ZNF26: variants seen among roughly 807,000 people sequenced by gnomAD.
ZNF26 encodes epididymis luminal protein 179.
In ZNF26, 32 loss-of-function variants were observed where a neutral mutation model predicts 54.9. The observed-to-expected ratio is 0.58, with a 90% confidence interval of 0.44 to 0.78. ZNF26 has a LOEUF of 0.78. Among genes scored for constraint, ZNF26 ranks in the 30% least tolerant of loss-of-function variants. The pLI, the probability that ZNF26 is intolerant of heterozygous loss-of-function variation, is 0.00. For synonymous variants in ZNF26, 221 were observed against 209.2 expected (o/e 1.06, Z -0.49); for missense variants, 524 against 634.0 (o/e 0.83, Z 1.86).
chr12:133,007,762 C>G (rs930793067), intron 3 of ZNF26, among the ~76,000 whole-genome samples: 2 of 152,220 alleles, frequency 1.3e-5, no homozygotes, highest in South Asian at 2.1e-4. Flanking sequence ...GCCCCTCTTT[C>G]CTGAACTCTG....
chr12:133,000,403 C>T (rs974863751), intron 1 of ZNF26, among the ~76,000 whole-genome samples: 6 of 150,100 alleles, frequency 4.0e-5, no homozygotes, highest in East Asian at 2.0e-4. Flanking sequence ...AGGCATGCGC[C>T]GCCATACCTG....
In ZNF26 at chr12:133,026,280, T is replaced by C. The variant is rs1383732199; in HGVS notation, c.*14799T>C. ...CATACTTGGCTAATTTTTGTATTTT[T>C]AGTAGAGATGGGGTTTCACCATCTT... On this transcript the variant is annotated 3_prime_UTR_variant, in exon 4 of 4. Coordinates refer to ENST00000328654, the MANE Select transcript of ZNF26 (RefSeq NM_019591.4). The C allele has an allele frequency of 8.6e-5, 13 of 151,996 alleles. No homozygotes were observed. Among genetic ancestry groups the C allele is most frequent in the Admixed American group, 8.5e-4 (13 of 15,246 alleles). 9.4% of individuals were successfully genotyped at this position (151,996 alleles called of 1,614,324 possible).
Position 133,001,660 on chromosome 12 carries a change from A to G in ZNF26, c.34-5382A>G, listed in dbSNP as rs1284687225. ...AGTGCTGCTGAGGAGGAGCCTGCTA[A>G]TGAGCTCAAGTGTCAAGTTCGGGAA... On this transcript the variant is annotated intron_variant, in intron 1 of 3. Coordinates refer to ENST00000328654, the MANE Select transcript of ZNF26 (RefSeq NM_019591.4). This position sits in a 1 kb window ranked among gnomAD's most constrained non-coding sequence, Gnocchi z 4.7. 3.6e-5 allele frequency: 46 copies of G among 1,288,928 alleles called. No individual in the cohort carries two copies. In the Admixed American group the frequency reaches 9.2e-4, roughly 26 times the overall value. The allele number at this position is 1,288,928 out of a possible 1,614,324, so 79.8% of individuals were successfully genotyped here.
At chr12:133,009,375 T>G (rs1953417746) in intron 3 of ZNF26, among the ~76,000 whole-genome samples, 2 of 152,228 alleles carry the variant, frequency 1.3e-5, no homozygotes, top group South Asian at 4.1e-4. Flanking sequence ...GGCGGATCGC[T>G]TGAGCTCAGG....
At chr12:133,009,448 T>C (rs1953420401) in intron 3 of ZNF26, among the ~76,000 whole-genome samples, 1 of 152,014 alleles carries the variant, frequency 6.6e-6, no homozygotes, top group African/African-American at 2.4e-5. Flanking sequence ...AAAAATTAGC[T>C]GGGCATGATG....
At chr12:132,996,515 T>A (rs1287403199) in intron 1 of ZNF26, among the ~76,000 whole-genome samples, 2 of 152,248 alleles carry the variant, frequency 1.3e-5, no homozygotes, top group Non-Finnish European at 2.9e-5. Context: ...GATTTTATTT[T>A]ACATTATTGA....
Position 133,001,736 on chromosome 12 carries a change from G to A in ZNF26, c.34-5306G>A. ...GGAAACAGTGCCCTGCCTGAGGTGA[G>A]CCGCAGGGAGGCGGGGCCCTGTTTG... is the stretch of plus-strand genomic sequence containing the variant. On this transcript the variant is annotated intron_variant, in intron 1 of 3. Coordinates refer to ENST00000328654, the MANE Select transcript of ZNF26 (RefSeq NM_019591.4). This position sits in a 1 kb window ranked among gnomAD's most constrained non-coding sequence, Gnocchi z 4.7. 7.8e-7 allele frequency: 1 copy of A among 1,287,764 alleles called. No homozygotes were observed. The highest frequency in any genetic ancestry group is 1.0e-6 in the Non-Finnish European group (1 of 987,544). 79.8% of individuals were successfully genotyped at this position (1,287,764 alleles called of 1,614,324 possible).
chr12:133,009,772 C>T (rs1034729279), intron 3 of ZNF26, among the ~76,000 whole-genome samples: 15 of 152,062 alleles, frequency 9.9e-5, no homozygotes, highest in East Asian at 1.9e-4. Flanking sequence ...GGCGTGATCT[C>T]GGCTCACTGC....
chr12:132,994,718 G>T (rs1282207652), intron 1 of ZNF26, among the ~76,000 whole-genome samples: 1 of 152,144 alleles, frequency 6.6e-6, no homozygotes, highest in East Asian at 1.9e-4. Context: ...TCAGTTACTG[G>T]TTATTTTAGA....
chr12:132,990,822 G>A (rs940241869), intron 1 of ZNF26, among the ~76,000 whole-genome samples: 3 of 152,092 alleles, frequency 2.0e-5, no homozygotes, highest in Non-Finnish European at 2.9e-5. Flanking sequence ...ATGTGTGGAC[G>A]TAGAATTGTA....
intron 1 of ZNF26, among the ~76,000 whole-genome samples, chr12:132,988,903 G>A (rs2137205567): frequency 1.3e-5 from 2 of 151,946 alleles, no homozygotes; most frequent in East Asian, 1.9e-4. Flanking sequence ...TACTGTAAAT[G>A]GTATTGTGTT....
chr12:132,995,655 G>A (rs1409487988), intron 1 of ZNF26, among the ~76,000 whole-genome samples: 1 of 151,938 alleles, frequency 6.6e-6, no homozygotes, highest in South Asian at 2.1e-4. Flanking sequence ...GAAGTTTACT[G>A]TTGTGGTTTT....
chr12:133,026,003 AG>A lies in ZNF26; in HGVS notation c.*14524del, dbSNP rs1357941592. 4.6e-5 allele frequency: 7 copies of A among 152,342 alleles called. No individual in the cohort carries two copies. Among genetic ancestry groups the A allele is most frequent in the Non-Finnish European group, 1.0e-4 (7 of 68,196 alleles). The allele number at this position is 152,342 out of a possible 1,614,324, so 9.4% of individuals were successfully genotyped here. A position where few individuals can be genotyped will look rare whatever the true frequency, so the allele number is the denominator to read the frequency against. ...AGTGAGAGATGCCTAAAACACCCCCAGGCATTCCAGCCCCTTCTGTTCTAGA... is the reference window on the plus strand; with the variant it reads ...AGTGAGAGATGCCTAAAACACCCCCAGCATTCCAGCCCCTTCTGTTCTAGA... On this transcript the variant is annotated 3_prime_UTR_variant, in exon 4 of 4. Transcript: ENST00000328654.
intron 1 of ZNF26, among the ~76,000 whole-genome samples, chr12:132,990,415 G>A (rs1457210480): frequency 6.6e-6 from 1 of 152,170 alleles, no homozygotes; most frequent in East Asian, 1.9e-4. Context: ...TGGCTGTGGT[G>A]TACACTTGTT....
At chr12:132,987,003 C>T in intron 1 of ZNF26, 130 bp downstream of exon 1, 1 of 1,056,764 alleles carries the variant, frequency 9.5e-7, no homozygotes, top group Non-Finnish European at 1.4e-6. Context: ...CTAGACTACC[C>T]TCCCCACCAA....
Position 133,011,748 on chromosome 12 carries a change from C to A in ZNF26, c.*267C>A. On this transcript the variant is annotated 3_prime_UTR_variant, in exon 4 of 4. Transcript: ENST00000328654. The stretch of plus-strand genomic sequence containing the variant: ...ATTCAGAGAATTTACACTAGGAACA[C>A]CTTATAAGTTGAATAAATTAAGGAA... 1 of 242,294 alleles carries A rather than the reference C, an allele frequency of 4.1e-6. No individual in the cohort carries two copies. The highest frequency in any genetic ancestry group is 7.9e-6 in the Non-Finnish European group (1 of 126,290). The allele number at this position is 242,294 out of a possible 1,614,324, so 15.0% of individuals were successfully genotyped here. A position where few individuals can be genotyped will look rare whatever the true frequency, so the allele number is the denominator to read the frequency against.
At position 133,020,242 on chromosome 12, in the gene ZNF26, T is replaced by C. The variant is rs1953621896; in HGVS notation, c.*8761T>C. Reference sequence around the variant, plus strand: ...ACTGGGATGGAACTGAAAGCCATTATAATAAGTGAAATAAGCCAAGCACAG... The same window carrying C: ...ACTGGGATGGAACTGAAAGCCATTACAATAAGTGAAATAAGCCAAGCACAG... On this transcript the variant is annotated 3_prime_UTR_variant, in exon 4 of 4. Transcript: ENST00000328654. The C allele has an allele frequency of 1.3e-5, 2 of 152,170 alleles. No individual in the cohort carries two copies. Among genetic ancestry groups the C allele is most frequent in the Admixed American group, 6.5e-5 (1 of 15,274 alleles). 9.4% of individuals were successfully genotyped at this position (152,170 alleles called of 1,614,324 possible). A position where few individuals can be genotyped will look rare whatever the true frequency, so the allele number is the denominator to read the frequency against.
In ZNF26 at chr12:133,022,422, G is replaced by C. The variant is rs1346801234; in HGVS notation, c.*10941G>C. The C allele has an allele frequency of 1.3e-5, 2 of 152,082 alleles. No individual in the cohort carries two copies. The highest frequency in any genetic ancestry group is 4.8e-5 in the African/African-American group (2 of 41,412). The allele number at this position is 152,082 out of a possible 1,614,324, so 9.4% of individuals were successfully genotyped here. ...GGAACTGTTCAGCATCTTGAAGGTGGTTGTTGATACATGAACCTACACTGG... is the reference window on the plus strand; with the variant it reads ...GGAACTGTTCAGCATCTTGAAGGTGCTTGTTGATACATGAACCTACACTGG... On this transcript the variant is annotated 3_prime_UTR_variant, in exon 4 of 4. Transcript: ENST00000328654.
In ZNF26 at chr12:133,021,064, A is replaced by T. The variant is rs1953633079; in HGVS notation, c.*9583A>T. 1 of 151,456 alleles carries T rather than the reference A, an allele frequency of 6.6e-6. No homozygotes were observed. Among genetic ancestry groups the T allele is most frequent in the African/African-American group, 2.4e-5 (1 of 41,204 alleles). The allele number at this position is 151,456 out of a possible 1,614,324, so 9.4% of individuals were successfully genotyped here. A position where few individuals can be genotyped will look rare whatever the true frequency, so the allele number is the denominator to read the frequency against. On this transcript the variant is annotated 3_prime_UTR_variant, in exon 4 of 4. Coordinates refer to ENST00000328654, the MANE Select transcript of ZNF26 (RefSeq NM_019591.4). ...CTACTCAACACTGAAGTGTTTAGGGATGTCGAGAAATTATGCCTCCAACCT... is the reference window on the plus strand; with the variant it reads ...CTACTCAACACTGAAGTGTTTAGGGTTGTCGAGAAATTATGCCTCCAACCT...
Sources: gnomAD v4.1 joint callset for allele counts (sites outside exome capture counted in the v4.1 genomes callset) on GRCh38, gnomAD v4.1.1 for gene constraint, Gnocchi (gnomAD v3.1) non-coding constraint, MANE v1.5 for transcripts, NCBI Gene and HGNC (gene_info 2026-07-23, HGNC 2026-07-21) for gene names.